The following CHST11 variants were observed in gnomAD, a reference collection of about 807,000 sequenced individuals.
CHST11 encodes the protein carbohydrate sulfotransferase 11.
In CHST11, 9 loss-of-function variants were observed where a neutral mutation model predicts 30.4. That is an observed-to-expected ratio of 0.30 (90% CI 0.18 to 0.52). The LOEUF (loss-of-function observed/expected upper bound fraction) is 0.52. CHST11 is among the 20% of genes least tolerant of loss of function. The probability of loss-of-function intolerance (pLI) is 0.97; values close to 1 mark genes in which losing one functional copy is unlikely to be tolerated. For synonymous variants in CHST11, 152 were observed against 187.8 expected, an observed-to-expected ratio of 0.81 and a Z score of 1.56; for missense variants, 348 against 460.6, an observed-to-expected ratio of 0.76 and a Z score of 2.24.
chr12:104,663,801 G>A (rs1042911855), intron 2 of CHST11, among the ~76,000 whole-genome samples: 3 of 152,112 alleles, frequency 2.0e-5, no homozygotes, highest in Non-Finnish European at 4.4e-5. Flanking sequence ...CCCATTTAAG[G>A]TACTTTATTA....
chr12:104,724,460 T>A (rs1409945767), intron 2 of CHST11, among the ~76,000 whole-genome samples: 1 of 152,140 alleles, frequency 6.6e-6, no homozygotes, highest in African/African-American at 2.4e-5. Context: ...TTGTGTTGTG[T>A]ATATTTCACC....
intron 2 of CHST11, among the ~76,000 whole-genome samples, chr12:104,633,914 G>T (rs1232561141): frequency 6.6e-6 from 1 of 152,086 alleles, no homozygotes; most frequent in Non-Finnish European, 1.5e-5. Context: ...TCTGCCTGGA[G>T]CATCCTCCAC....
At chr12:104,747,845 C>T (rs2040400420) in intron 2 of CHST11, among the ~76,000 whole-genome samples, 3 of 152,142 alleles carry the variant, frequency 2.0e-5, no homozygotes. Context: ...CTCTCTTCCT[C>T]CTGTTTGGGT....
chr12:104,533,326 A>C (rs1279727935), intron 1 of CHST11, among the ~76,000 whole-genome samples: 2 of 152,220 alleles, frequency 1.3e-5, no homozygotes, highest in Admixed American at 6.5e-5. Context: ...AAACATGATC[A>C]GGTGTTCCCA....
chr12:104,635,391 G>T (rs1313371279), intron 2 of CHST11, among the ~76,000 whole-genome samples: 1 of 152,220 alleles, frequency 6.6e-6, no homozygotes, highest in Non-Finnish European at 1.5e-5. Flanking sequence ...CACGCCCGGG[G>T]CTTCCAGTGT....
chr12:104,732,705 TG>T (rs1267947730), intron 2 of CHST11, among the ~76,000 whole-genome samples: 3 of 152,190 alleles, frequency 2.0e-5, no homozygotes, highest in Non-Finnish European at 4.4e-5. Context: ...GGTATCCGAT[TG>T]GTGTTGCTGT....
chr12:104,636,865 A>T (rs187671665), intron 2 of CHST11, among the ~76,000 whole-genome samples: 3,120 of 149,552 alleles, frequency 0.021, 83 homozygotes, highest in East Asian at 0.12. Context: ...TTTTTTTTTT[A>T]AAACAACTTT....
Position 104,475,688 on chromosome 12 carries a change from A to ATATATATT in CHST11, c.118+18162_118+18163insATATTTAT, listed in dbSNP as rs1555226434. Among the ~76,000 whole-genome samples, 497 of 78,376 alleles carry ATATATATT rather than the reference A, an allele frequency of 6.3e-3. 22 individuals are homozygous for ATATATATT. Among genetic ancestry groups the ATATATATT allele is most frequent in the Non-Finnish European group, 1.0e-2 (344 of 34,474 alleles). The allele number at this position is 78,376 out of a possible 152,430, so 51.4% of individuals were successfully genotyped here. A position where few individuals can be genotyped will look rare whatever the true frequency, so the allele number is the denominator to read the frequency against. ...TATATATATATATATATATATATAT[A>ATATATATT]TATTTCTGATTATGAAATTAATTCA... On this transcript the variant is annotated intron_variant, in intron 1 of 2. Coordinates refer to ENST00000303694, the MANE Select transcript of CHST11 (RefSeq NM_018413.6).
chr12:104,514,428 T>C, intron 1 of CHST11: 1 of 914,388 alleles, frequency 1.1e-6, no homozygotes. Flanking sequence ...CCTCATCCTC[T>C]TCACCATGTG....
intron 1 of CHST11, among the ~76,000 whole-genome samples, chr12:104,474,979 T>G (rs998326158): frequency 2.7e-4 from 41 of 152,194 alleles, no homozygotes; most frequent in African/African-American, 8.9e-4. Context: ...TGAGTAAAAT[T>G]TTGTTAGAAT....
rs2040506716 is a variant in CHST11 at position 104,759,466 on chromosome 12, G to A, written c.*1663G>A. ...AATAATAATAATAGTTTTAATAATAGGGGAGGGTGGGATGGGGTGTGGGTA... is the reference window on the plus strand; with the variant it reads ...AATAATAATAATAGTTTTAATAATAAGGGAGGGTGGGATGGGGTGTGGGTA... On this transcript the variant is annotated 3_prime_UTR_variant, in exon 3 of 3. Coordinates refer to ENST00000303694, the MANE Select transcript of CHST11 (RefSeq NM_018413.6). 1.3e-5 allele frequency: 2 copies of A among 151,966 alleles called. No individual in the cohort carries two copies. Among genetic ancestry groups the A allele is most frequent in the Non-Finnish European group, 2.9e-5 (2 of 68,018 alleles). 9.4% of individuals were successfully genotyped at this position (151,966 alleles called of 1,614,324 possible).
chr12:104,705,944 G>A (rs1213436186), intron 2 of CHST11, among the ~76,000 whole-genome samples: 5 of 152,082 alleles, frequency 3.3e-5, no homozygotes, highest in Non-Finnish European at 7.4e-5. Flanking sequence ...TTTAAAATTA[G>A]GCATGGTGGA....
chr12:104,680,896 T>C (rs1317836756), intron 2 of CHST11, among the ~76,000 whole-genome samples: 3 of 152,232 alleles, frequency 2.0e-5, no homozygotes, highest in Admixed American at 6.5e-5. Flanking sequence ...AGACAGATCT[T>C]AGGTTTGAAT....
chr12:104,669,174 C>T (rs938772623), intron 2 of CHST11, among the ~76,000 whole-genome samples: 6 of 152,144 alleles, frequency 3.9e-5, no homozygotes, highest in Non-Finnish European at 7.3e-5. Flanking sequence ...TGAATGTTCC[C>T]GGGCAGCCAG....
chr12:104,631,052 G>A (rs1044038199), intron 2 of CHST11, among the ~76,000 whole-genome samples: 1 of 152,206 alleles, frequency 6.6e-6, no homozygotes, highest in Non-Finnish European at 1.5e-5. Flanking sequence ...TTTGCCCCAC[G>A]AAGTGTGCGT....
At chr12:104,742,962 T>C (rs1358936485) in intron 2 of CHST11, among the ~76,000 whole-genome samples, 1 of 152,212 alleles carries the variant, frequency 6.6e-6, no homozygotes, top group East Asian at 1.9e-4. Context: ...AGCCACAGGC[T>C]CTAAGCCAGA....
At chr12:104,665,356 G>A (rs2039632527) in intron 2 of CHST11, among the ~76,000 whole-genome samples, 1 of 152,228 alleles carries the variant, frequency 6.6e-6, no homozygotes, top group South Asian at 2.1e-4. Flanking sequence ...AAGAAAAGAA[G>A]AGAGTCTAGT....
At chr12:104,667,889 G>T (rs61938646) in intron 2 of CHST11, among the ~76,000 whole-genome samples, 3 of 152,140 alleles carry the variant, frequency 2.0e-5, no homozygotes, top group Non-Finnish European at 4.4e-5. Context: ...ATCTCTAGGG[G>T]TATGCACCCA....
intron 1 of CHST11, among the ~76,000 whole-genome samples, chr12:104,493,204 G>A (rs1235312111): frequency 6.6e-6 from 1 of 152,216 alleles, no homozygotes; most frequent in African/African-American, 2.4e-5. Flanking sequence ...TCAGTGGTTT[G>A]CAAGCAATGC....
Sources: gnomAD v4.1 joint callset for allele counts (sites outside exome capture counted in the v4.1 genomes callset) on GRCh38, gnomAD v4.1.1 for gene constraint, MANE v1.5 for transcripts, NCBI Gene and HGNC (gene_info 2026-07-23, HGNC 2026-07-21) for gene names.